Variants in HIVEP2 observed in about 807,000 individuals in gnomAD.
HIVEP2 encodes the protein HIVEP zinc finger 2.
In HIVEP2, 14 loss-of-function variants were observed where a neutral mutation model predicts 180.7. The observed-to-expected ratio is 0.08, with a 90% CI of 0.05 to 0.12. HIVEP2 has a LOEUF of 0.12. Ranked by LOEUF, HIVEP2 falls within the 10% of genes least tolerant of loss-of-function variation. HIVEP2 has a pLI of 1.00. For missense variants in HIVEP2, 2,579 were observed against 3,008.5 expected, an observed-to-expected ratio of 0.86 and a Z score of 3.34; for synonymous variants, 1,184 against 1,136.4, an observed-to-expected ratio of 1.04 and a Z score of -0.84.
In HIVEP2 at chr6:142,772,983, G is replaced by T. The variant is rs746223902; in HGVS notation, c.1756C>A (p.Pro586Thr). 2 of 1,614,146 alleles carry T rather than the reference G, an allele frequency of 1.2e-6. No homozygotes were observed. Among genetic ancestry groups the T allele is most frequent in the South Asian group, 2.2e-5 (2 of 91,082 alleles). ...GCTTGTCTTCTTAGCATGCGCTGAG[G>T]GGGTATGCCCACGGTCCCTGGATAG... Reference protein sequence around the residue: ...VFYPGTVGIPPQRMLRRQAAF... With the variant: ...VFYPGTVGIPTQRMLRRQAAF... The change falls in exon 5 of 10, where the codon CCT (proline) becomes ACT (threonine). Residue 586 changes from proline to threonine, a missense_variant. Pro to Thr is a conservative substitution (Grantham distance 38). Around this residue, in one of 11 missense-constraint regions of HIVEP2, gnomAD observed 524 missense variants for 563.6 expected, o/e 0.93. Coordinates refer to ENST00000367603, the MANE Select transcript of HIVEP2 (RefSeq NM_006734.4). The surrounding 1 kb of genome is among the most constrained non-coding windows in gnomAD (Gnocchi z 4.9).
intron 1 of HIVEP2, among the ~76,000 whole-genome samples, chr6:142,843,404 A>G (rs2114901232): frequency 6.6e-6 from 1 of 152,316 alleles, no homozygotes; most frequent in East Asian, 1.9e-4. Context: ...TGTGAAAAAG[A>G]CTCTAAGGAT....
intron 1 of HIVEP2, among the ~76,000 whole-genome samples, chr6:142,902,091 T>C (rs1777146830): frequency 6.6e-6 from 1 of 152,180 alleles, no homozygotes; most frequent in South Asian, 2.1e-4. Context: ...TATGTAGATA[T>C]TTCCTCCCTT....
rs1775183305 is a variant in HIVEP2 at position 142,760,002 on chromosome 6, A to G, written c.6286T>C (p.Leu2096=). Residue 2096 remains leucine (L), a synonymous_variant, in exon 9 of 10, where the codon TTG becomes CTG. Transcript: ENST00000367603. ...RHLSPRKEAA[L]RREMSQRDVS... ...TCTCTTTGGGACATCTCTCTTCTCA[A>G]TGCAGCTTCCTTTCTTGGTGAAAGA... is the stretch of plus-strand genomic sequence containing the variant. 6.2e-7 allele frequency: 1 copy of G among 1,613,906 alleles called. No homozygotes were observed. Among genetic ancestry groups the G allele is most frequent in the Non-Finnish European group, 8.5e-7 (1 of 1,179,912 alleles).
Position 142,782,058 on chromosome 6 carries a change from G to A in HIVEP2, c.-433+1463C>T, listed in dbSNP as rs149387624. Among the ~76,000 whole-genome samples the A allele has an allele frequency of 4.2e-3, 644 of 152,280 alleles. 3 individuals carry two copies. The highest frequency in any genetic ancestry group is 0.015 in the African/African-American group (621 of 41,536). ...TAAATAATGACGGTATACAATGACT[G>A]GCAGCAAACACGGCTTCTCCACTTC... On this transcript the variant is annotated intron_variant, in intron 3 of 9. Coordinates refer to ENST00000367603, the MANE Select transcript of HIVEP2 (RefSeq NM_006734.4).
chr6:142,837,201 G>A (rs779999294), intron 1 of HIVEP2, among the ~76,000 whole-genome samples, 154 bp from the exon 2 acceptor site: 7 of 152,172 alleles, frequency 4.6e-5, no homozygotes, highest in South Asian at 2.1e-4. Flanking sequence ...CAACAAAAGC[G>A]TCTAGGAATT....
chr6:142,797,138 C>A (rs572424398), intron 2 of HIVEP2, among the ~76,000 whole-genome samples: 2 of 151,940 alleles, frequency 1.3e-5, no homozygotes, highest in African/African-American at 4.8e-5. Context: ...TCCTAACACA[C>A]CTAACTTTTT....
chr6:142,861,083 A>G (rs1355953225), intron 1 of HIVEP2, among the ~76,000 whole-genome samples: 1 of 152,206 alleles, frequency 6.6e-6, no homozygotes, highest in Non-Finnish European at 1.5e-5. Flanking sequence ...CAGAAACATC[A>G]CAACAGAACG....
At chr6:142,924,680 T>C (rs1030215237) in intron 1 of HIVEP2, among the ~76,000 whole-genome samples, 4 of 152,242 alleles carry the variant, frequency 2.6e-5, no homozygotes, top group Admixed American at 6.5e-5. Flanking sequence ...AGTAGATATA[T>C]TTGTAATTCA....
At chr6:142,818,733 A>AAAAGAAAGAAAGAAAG (rs766314719) in intron 2 of HIVEP2, among the ~76,000 whole-genome samples, 13 of 41,786 alleles carry the variant, frequency 3.1e-4, no homozygotes, top group Non-Finnish European at 3.5e-4. Flanking sequence ...AGAAAGAAAG[A>AAAAGAAAGAAAGAAAG]AAAGAAAGAA....
chr6:142,795,356 G>T (rs1055128816), intron 2 of HIVEP2, among the ~76,000 whole-genome samples: 1 of 151,712 alleles, frequency 6.6e-6, no homozygotes, highest in South Asian at 2.1e-4. Context: ...ATTTGCTTAA[G>T]AAAAAAACAA....
chr6:142,877,974 G>T (rs953966396), intron 1 of HIVEP2, among the ~76,000 whole-genome samples: 4 of 152,158 alleles, frequency 2.6e-5, no homozygotes, highest in African/African-American at 9.6e-5. Flanking sequence ...GTTTCTGTGT[G>T]TGTGTATGTG....
At chr6:142,816,099 T>C (rs1332650583) in intron 2 of HIVEP2, among the ~76,000 whole-genome samples, 1 of 152,230 alleles carries the variant, frequency 6.6e-6, no homozygotes, top group Non-Finnish European at 1.5e-5. Flanking sequence ...CTACTACATT[T>C]ATAATAGTAG....
intron 1 of HIVEP2, among the ~76,000 whole-genome samples, chr6:142,856,280 C>A (rs894107855): frequency 1.8e-5 from 2 of 113,152 alleles, no homozygotes; most frequent in East Asian, 5.0e-4. Context: ...GGATTCTCCC[C>A]AAGCCATTCC....
intron 6 of HIVEP2, among the ~76,000 whole-genome samples, chr6:142,766,832 C>T (rs1775390322): frequency 6.6e-6 from 1 of 152,102 alleles, no homozygotes; most frequent in South Asian, 2.1e-4. Context: ...TTAAACCTAT[C>T]AGTTAGACAA....
intron 1 of HIVEP2, among the ~76,000 whole-genome samples, chr6:142,885,145 G>T (rs1277962761): frequency 6.6e-6 from 1 of 152,078 alleles, no homozygotes; most frequent in Non-Finnish European, 1.5e-5. Flanking sequence ...AAAACTCAGT[G>T]CCTTCTCCAG....
chr6:142,887,054 T>G (rs1309594452), intron 1 of HIVEP2, among the ~76,000 whole-genome samples: 1 of 152,198 alleles, frequency 6.6e-6, no homozygotes, highest in African/African-American at 2.4e-5. Flanking sequence ...GCCCTCTAGT[T>G]GATCATTGCT....
intron 1 of HIVEP2, among the ~76,000 whole-genome samples, chr6:142,871,497 T>TAAAAC (rs896791946): frequency 7.9e-5 from 12 of 151,972 alleles, no homozygotes; most frequent in African/African-American, 2.9e-4. Context: ...TGCAAGACCA[T>TAAAAC]AAAACAAAAC....
At chr6:142,870,069 C>T (rs190974393) in intron 1 of HIVEP2, among the ~76,000 whole-genome samples, 9 of 152,118 alleles carry the variant, frequency 5.9e-5, no homozygotes, top group East Asian at 3.9e-4. Context: ...TGAAGGGCTG[C>T]GCATTCATGT....
chr6:142,764,125 T>C (rs1775323421), intron 7 of HIVEP2, among the ~76,000 whole-genome samples: 1 of 152,156 alleles, frequency 6.6e-6, no homozygotes, highest in Non-Finnish European at 1.5e-5. Flanking sequence ...TTATGAACAT[T>C]TTCATAATAT....
Sources: allele counts gnomAD v4.1 joint callset (sites outside exome capture counted in the v4.1 genomes callset), GRCh38; gene constraint gnomAD v4.1.1; regional missense constraint gnomAD v4.1.1; non-coding constraint Gnocchi (gnomAD v3.1); transcripts MANE v1.5; gene names NCBI Gene and HGNC (gene_info 2026-07-23, HGNC 2026-07-21).